Variants in EFCAB13 observed in about 807,000 individuals in gnomAD.
EFCAB13 encodes EF-hand calcium-binding domain-containing protein 13.
Under a neutral mutation model 110.2 loss-of-function variants are expected in EFCAB13, and 91 were observed. That is an observed-to-expected ratio of 0.83 (90% confidence interval 0.70 to 0.98). The LOEUF is 0.98. Ranked by LOEUF, EFCAB13 falls within the 50% of genes least tolerant of loss-of-function variation. The pLI, the probability that EFCAB13 is intolerant of heterozygous loss-of-function variation, is 0.00. For synonymous variants in EFCAB13, 323 were observed against 369.9 expected, an observed-to-expected ratio of 0.87 and a Z score of 1.45; for missense variants, 968 against 1,119.4, an observed-to-expected ratio of 0.86 and a Z score of 1.93.
chr17:47,351,316 C>CGCGT (rs1355288582), intron 9 of EFCAB13, among the ~76,000 whole-genome samples: 1 of 112,062 alleles, frequency 8.9e-6, no homozygotes, highest in African/African-American at 3.1e-5. Context: ...CGCGCGCGCG[C>CGCGT]GCGCGCGCGC....
At chr17:47,396,037 A>C in intron 17 of EFCAB13, 60 bp downstream of exon 17, 1 of 1,432,104 alleles carries the variant, frequency 7.0e-7, no homozygotes, top group African/African-American at 1.4e-5. Flanking sequence ...ATTTTCTGTC[A>C]ACTCTTGTCA....
At chr17:47,361,920 G>C (rs1208986864) in intron 10 of EFCAB13, among the ~76,000 whole-genome samples, 7 of 152,058 alleles carry the variant, frequency 4.6e-5, no homozygotes. Context: ...ATTTTGCTAT[G>C]CCCTTCAGTT....
At chr17:47,326,882 A>G (rs1393080475) in intron 3 of EFCAB13, among the ~76,000 whole-genome samples, 1 of 152,226 alleles carries the variant, frequency 6.6e-6, no homozygotes, top group Non-Finnish European at 1.5e-5. Context: ...CTATAAACAT[A>G]TGTCAGAAAT....
At chr17:47,380,489 AT>A (rs1429074472) in intron 14 of EFCAB13, among the ~76,000 whole-genome samples, 1 of 152,184 alleles carries the variant, frequency 6.6e-6, no homozygotes, top group Non-Finnish European at 1.5e-5. Context: ...ATTGATGGGC[AT>A]TTGGGTTGGT....
At chr17:47,339,264 A>G (rs1164656871) in intron 5 of EFCAB13, among the ~76,000 whole-genome samples, 1 of 152,084 alleles carries the variant, frequency 6.6e-6, no homozygotes, top group Non-Finnish European at 1.5e-5. Flanking sequence ...ATTACATTTT[A>G]TCTTATTGTT....
chr17:47,362,285 A>G (rs2065518581), intron 10 of EFCAB13, among the ~76,000 whole-genome samples: 1 of 152,144 alleles, frequency 6.6e-6, no homozygotes, highest in Non-Finnish European at 1.5e-5. Flanking sequence ...ATCAGGCCAT[A>G]CAGAGATAGG....
At chr17:47,332,167 C>T (rs772015651) in intron 4 of EFCAB13, among the ~76,000 whole-genome samples, 1 of 152,010 alleles carries the variant, frequency 6.6e-6, no homozygotes, top group Non-Finnish European at 1.5e-5. Flanking sequence ...GTGGTTGTAC[C>T]ATTTTGCATT....
intron 24 of EFCAB13, chr17:47,430,497 A>C (rs1443410060): frequency 6.6e-6 from 1 of 152,164 alleles, no homozygotes; most frequent in Admixed American, 6.6e-5. Context: ...TTCTTCCTTG[A>C]ATGTTGAGTA....
intron 2 of EFCAB13, among the ~76,000 whole-genome samples, chr17:47,325,956 AT>A (rs2065283141): frequency 2.7e-5 from 3 of 110,566 alleles, no homozygotes; most frequent in Admixed American, 2.7e-4. Context: ...ATATATATAT[AT>A]ATATAGCATA....
chr17:47,434,278 A>T (rs992498515), intron 24 of EFCAB13, among the ~76,000 whole-genome samples: 2 of 152,048 alleles, frequency 1.3e-5, no homozygotes, highest in Non-Finnish European at 2.9e-5. Flanking sequence ...CAAGCTGAGA[A>T]TCGAATCAAG....
chr17:47,328,097 A>T (rs1316588063), intron 3 of EFCAB13, 172 bp from the exon 4 acceptor site: 8 of 493,662 alleles, frequency 1.6e-5, no homozygotes, highest in Admixed American at 4.0e-5. Context: ...TCTGTGATTT[A>T]TAGTCTACTA....
chr17:47,403,696 T>C (rs1249051149), intron 18 of EFCAB13, among the ~76,000 whole-genome samples, 182 bp from the exon 19 acceptor site: 1 of 152,184 alleles, frequency 6.6e-6, no homozygotes, highest in Non-Finnish European at 1.5e-5. Flanking sequence ...AGAAACGTGA[T>C]AGATCAAGAG....
At chr17:47,399,073 G>A (rs1375514682) in intron 17 of EFCAB13, among the ~76,000 whole-genome samples, 1 of 152,062 alleles carries the variant, frequency 6.6e-6, no homozygotes, top group Non-Finnish European at 1.5e-5. Context: ...CAGGTGCACA[G>A]CACTGTGCCT....
chr17:47,381,852 G>A (rs1369565894), intron 14 of EFCAB13, among the ~76,000 whole-genome samples: 1 of 152,010 alleles, frequency 6.6e-6, no homozygotes, highest in East Asian at 1.9e-4. Context: ...CTCTTTTTTG[G>A]TTCCATATGA....
intron 9 of EFCAB13, among the ~76,000 whole-genome samples, chr17:47,351,314 C>CGT (rs1189125544): frequency 1.0e-4 from 13 of 128,832 alleles, no homozygotes; most frequent in Admixed American, 2.4e-4. Context: ...TGCGCGCGCG[C>CGT]GCGCGCGCGC....
chr17:47,326,556 G>T (rs565302269), intron 3 of EFCAB13, among the ~76,000 whole-genome samples, 169 bp downstream of exon 3: 62 of 152,208 alleles, frequency 4.1e-4, no homozygotes, highest in African/African-American at 1.4e-3. Context: ...ACCAGTCCCA[G>T]TTCTTTATAA....
chr17:47,422,435 A>C (rs1478238595), intron 23 of EFCAB13, among the ~76,000 whole-genome samples: 1 of 152,214 alleles, frequency 6.6e-6, no homozygotes, highest in Non-Finnish European at 1.5e-5. Flanking sequence ...AAAGGGAAGA[A>C]ATAGAATTTC....
intron 14 of EFCAB13, among the ~76,000 whole-genome samples, chr17:47,382,671 C>A (rs1383029136): frequency 6.6e-6 from 1 of 151,696 alleles, no homozygotes; most frequent in African/African-American, 2.4e-5. Flanking sequence ...TGATGTGTGG[C>A]TGGATTCAAT....
chr17:47,410,024 A>G (rs2065826203), intron 21 of EFCAB13, among the ~76,000 whole-genome samples: 1 of 151,902 alleles, frequency 6.6e-6, no homozygotes, highest in African/African-American at 2.4e-5. Context: ...TGCATATTCT[A>G]TTCCCTGGAA....
Sources: allele counts gnomAD v4.1 joint callset (sites outside exome capture counted in the v4.1 genomes callset), GRCh38; gene constraint gnomAD v4.1.1; transcripts MANE v1.5; gene names NCBI Gene and HGNC (gene_info 2026-07-23, HGNC 2026-07-21).